Variants in ABTB3 observed in about 807,000 individuals in gnomAD.
ABTB3 encodes the protein ankyrin repeat- and BTB/POZ domain-containing protein 3.
chr12:107,552,960 G>A, the ABTB3 span, among the ~76,000 whole-genome samples: 1 of 152,170 alleles, frequency 6.6e-6, no homozygotes, highest in South Asian at 2.1e-4. Flanking sequence ...AGGTGTTCCT[G>A]CTTCCAGCCC....
At chr12:107,334,911 G>A in the ABTB3 span, among the ~76,000 whole-genome samples, 7 of 152,082 alleles carry the variant, frequency 4.6e-5, no homozygotes, top group Non-Finnish European at 1.5e-5. Context: ...TGGTATTTGA[G>A]GTAGTTACTC....
the ABTB3 span, among the ~76,000 whole-genome samples, chr12:107,529,019 TG>T: frequency 6.6e-6 from 1 of 151,256 alleles, no homozygotes; most frequent in East Asian, 2.0e-4. Context: ...ATGGTGGTGA[TG>T]ATAATGGTGA....
At chr12:107,614,532 T>C in the ABTB3 span, among the ~76,000 whole-genome samples, 1 of 152,086 alleles carries the variant, frequency 6.6e-6, no homozygotes, top group Non-Finnish European at 1.5e-5. Flanking sequence ...GTGGATGGCA[T>C]GGTAGTGGCA....
chr12:107,466,749 T>C, the ABTB3 span, among the ~76,000 whole-genome samples: 7 of 152,162 alleles, frequency 4.6e-5, 1 homozygote, highest in African/African-American at 1.7e-4. Flanking sequence ...AAGGTGTTTC[T>C]GGAGAGTTTA....
chr12:107,416,988 A>AAC, the ABTB3 span, among the ~76,000 whole-genome samples: 2 of 152,134 alleles, frequency 1.3e-5, no homozygotes, highest in East Asian at 3.9e-4. Context: ...TTCTGTTGAG[A>AAC]ACAGGATCCC....
chr12:107,651,616 T>C, the ABTB3 span: 3 of 1,243,906 alleles, frequency 2.4e-6, no homozygotes, highest in Non-Finnish European at 3.5e-6. Context: ...AGTTCCTTAT[T>C]GTTACCTCCT....
At chr12:107,325,963 T>G in the ABTB3 span, among the ~76,000 whole-genome samples, 1 of 152,220 alleles carries the variant, frequency 6.6e-6, no homozygotes, top group Non-Finnish European at 1.5e-5. Flanking sequence ...TGGAGTGCAA[T>G]GGTGCAATCT....
At chr12:107,617,554 G>T in the ABTB3 span, 1 of 1,385,904 alleles carries the variant, frequency 7.2e-7, no homozygotes, top group Non-Finnish European at 9.7e-7. Flanking sequence ...GCAGTGTGAA[G>T]TGGTCCAGGC....
the ABTB3 span, among the ~76,000 whole-genome samples, chr12:107,517,883 T>C: frequency 6.6e-6 from 1 of 151,890 alleles, no homozygotes. Context: ...AGGGCTAATA[T>C]CCAGAATCTA....
chr12:107,456,014 C>T, the ABTB3 span, among the ~76,000 whole-genome samples: 3 of 152,198 alleles, frequency 2.0e-5, no homozygotes, highest in Non-Finnish European at 2.9e-5. Flanking sequence ...AGTCAAGGTG[C>T]AAGGGCGCTT....
the ABTB3 span, chr12:107,319,691 C>G: frequency 2.0e-6 from 3 of 1,534,888 alleles, no homozygotes; most frequent in East Asian, 4.9e-5. Flanking sequence ...CATCTACTCG[C>G]GGGTCGTGGC....
the ABTB3 span, among the ~76,000 whole-genome samples, chr12:107,539,563 A>T: frequency 5.3e-5 from 8 of 152,190 alleles, no homozygotes; most frequent in Admixed American, 1.3e-4. Flanking sequence ...GTCCTAAAAA[A>T]GTCAACCCCA....
chr12:107,609,837 G>A, the ABTB3 span, among the ~76,000 whole-genome samples: 1 of 152,232 alleles, frequency 6.6e-6, no homozygotes, highest in African/African-American at 2.4e-5. Flanking sequence ...CCCCATGGGT[G>A]AAAGAGAGGT....
chr12:107,361,375 G>C, the ABTB3 span, among the ~76,000 whole-genome samples: 5 of 152,142 alleles, frequency 3.3e-5, no homozygotes, highest in African/African-American at 1.2e-4. Flanking sequence ...TACGTGTCGT[G>C]ATACGCTCTT....
the ABTB3 span, among the ~76,000 whole-genome samples, chr12:107,452,693 T>C: frequency 6.6e-6 from 1 of 151,960 alleles, no homozygotes; most frequent in East Asian, 1.9e-4. Context: ...TACAAAAAAA[T>C]TAGTCAGCGT....
chr12:107,638,427 G>A, the ABTB3 span, among the ~76,000 whole-genome samples: 1 of 152,260 alleles, frequency 6.6e-6, no homozygotes, highest in African/African-American at 2.4e-5. Flanking sequence ...GGAAGACAGG[G>A]GCTTGGTCCT....
At chr12:107,632,271 C>T in the ABTB3 span, among the ~76,000 whole-genome samples, 5 of 152,292 alleles carry the variant, frequency 3.3e-5, no homozygotes, top group East Asian at 7.7e-4. Flanking sequence ...ACAGACTGTA[C>T]ATGCCTCTCT....
chr12:107,610,176 CT>C, the ABTB3 span: 2 of 1,614,038 alleles, frequency 1.2e-6, no homozygotes, highest in Non-Finnish European at 1.7e-6. Flanking sequence ...CATGATGTCT[CT>C]TCCCTTCCTT....
At chr12:107,636,115 T>C in the ABTB3 span, among the ~76,000 whole-genome samples, 2 of 152,070 alleles carry the variant, frequency 1.3e-5, no homozygotes, top group African/African-American at 4.8e-5. Flanking sequence ...CAGTAGAGGG[T>C]GAAGCTGGAA....
Sources: gnomAD v4.1 joint callset for allele counts (sites outside exome capture counted in the v4.1 genomes callset) on GRCh38, gnomAD v4.1.1 for gene constraint, MANE v1.5 for transcripts, NCBI Gene and HGNC (gene_info 2026-07-23, HGNC 2026-07-21) for gene names.